Variants in SUPT3H observed in about 807,000 individuals in gnomAD.
The protein encoded by SUPT3H is transcription initiation protein SPT3 homolog.
A neutral mutation model predicts 44.3 loss-of-function variants in SUPT3H; 44 were observed. The ratio of observed to expected loss-of-function variants is 0.99; its 90% CI spans 0.78 to 1.28. SUPT3H has a LOEUF of 1.28. Ranked by LOEUF, SUPT3H falls within the 50% of genes most tolerant of loss-of-function variation. The pLI is 0.00. For synonymous variants in SUPT3H, 124 were observed against 125.6 expected (o/e 0.99, Z 0.09); for missense variants, 380 against 387.1 (o/e 0.98, Z 0.15).
At chr6:45,162,442 T>C (rs1406662676) in intron 2 of SUPT3H, among the ~76,000 whole-genome samples, 1 of 152,130 alleles carries the variant, frequency 6.6e-6, no homozygotes, top group African/African-American at 2.4e-5. Flanking sequence ...GAGGAATACT[T>C]AAGCCCAGAG....
At chr6:45,185,157 G>A (rs1218277968) in intron 2 of SUPT3H, among the ~76,000 whole-genome samples, 1 of 152,156 alleles carries the variant, frequency 6.6e-6, no homozygotes, top group Non-Finnish European at 1.5e-5. Context: ...TGTCTACAGG[G>A]TGCAGCAGCA....
At position 45,265,751 on chromosome 6, in the gene SUPT3H, C is replaced by A. The variant is rs190602364; in HGVS notation, c.101+99450G>T. On this transcript the variant is annotated intron_variant, in intron 2 of 10. Transcript: ENST00000371459. ...AAATTAGTGTGTTCCCTGCAGCATT[C>A]CAACAAAAATTATGCCATTTGGATA... Among the ~76,000 whole-genome samples the A allele has an allele frequency of 2.2e-3, 337 of 152,018 alleles. 3 individuals carry two copies. In the Middle Eastern group the frequency reaches 0.031, roughly 14 times the overall value.
At chr6:44,834,227 T>G (rs897931587) in intron 10 of SUPT3H, among the ~76,000 whole-genome samples, 2 of 152,170 alleles carry the variant, frequency 1.3e-5, no homozygotes, top group Non-Finnish European at 2.9e-5. Flanking sequence ...CGTCAATAAA[T>G]GGAACATTTT....
At chr6:45,282,114 T>C (rs1229286767) in intron 2 of SUPT3H, among the ~76,000 whole-genome samples, 1 of 151,522 alleles carries the variant, frequency 6.6e-6, no homozygotes, top group Non-Finnish European at 1.5e-5. Context: ...AGACCAAAGG[T>C]AGATAAAACC....
intron 2 of SUPT3H, among the ~76,000 whole-genome samples, chr6:45,316,918 T>C (rs1356177433): frequency 6.6e-6 from 1 of 152,082 alleles, no homozygotes; most frequent in Non-Finnish European, 1.5e-5. Context: ...CTTTATGTAT[T>C]GAAAGAATAT....
chr6:44,929,004 C>T (rs1428641867), intron 10 of SUPT3H, among the ~76,000 whole-genome samples: 1 of 151,540 alleles, frequency 6.6e-6, no homozygotes, highest in Non-Finnish European at 1.5e-5. Flanking sequence ...CTCCACAGCA[C>T]ACATGAATGT....
chr6:45,175,791 T>G (rs1811679270), intron 2 of SUPT3H, among the ~76,000 whole-genome samples: 1 of 152,154 alleles, frequency 6.6e-6, no homozygotes, highest in Non-Finnish European at 1.5e-5. Flanking sequence ...TTGGATAAAT[T>G]ATACTAAAAA....
rs76729293 is a variant in SUPT3H at position 45,080,383 on chromosome 6, T to C, written c.186+25539A>G. Among the ~76,000 whole-genome samples the C allele has an allele frequency of 3.9e-3, 593 of 151,952 alleles. 7 individuals carry two copies. Among genetic ancestry groups the C allele is most frequent in the African/African-American group, 0.014 (565 of 41,470 alleles). ...ATCACTACGCAGAACAGTTTGGAGG[T>C]TCCTCAGAAATCTAAAAACAGAGCT... On this transcript the variant is annotated intron_variant, in intron 3 of 10. Transcript: ENST00000371459.
chr6:45,375,736 C>A (rs1027757939), intron 1 of SUPT3H, among the ~76,000 whole-genome samples: 8 of 151,834 alleles, frequency 5.3e-5, no homozygotes, highest in African/African-American at 1.9e-4. Flanking sequence ...AGACATCAGG[C>A]CAAGGTTAAG....
At chr6:44,988,069 T>C (rs771977670) in intron 6 of SUPT3H, among the ~76,000 whole-genome samples, 1 of 152,072 alleles carries the variant, frequency 6.6e-6, no homozygotes, top group Non-Finnish European at 1.5e-5. Context: ...AGACATAATA[T>C]AGCTATGAAA....
intron 2 of SUPT3H, among the ~76,000 whole-genome samples, chr6:45,334,899 A>G (rs1327004032): frequency 6.6e-6 from 1 of 151,278 alleles, no homozygotes; most frequent in African/African-American, 2.4e-5. Flanking sequence ...GAATTTCAAG[A>G]CTAAAATAAT....
intron 2 of SUPT3H, among the ~76,000 whole-genome samples, chr6:45,262,025 G>A (rs1324385871): frequency 6.6e-6 from 1 of 152,026 alleles, no homozygotes; most frequent in Non-Finnish European, 1.5e-5. Context: ...AACCAAGGAG[G>A]TAAAAGATCT....
At chr6:45,334,395 AT>A (rs924027541) in intron 2 of SUPT3H, among the ~76,000 whole-genome samples, 5 of 143,866 alleles carry the variant, frequency 3.5e-5, no homozygotes, top group African/African-American at 1.3e-4. Flanking sequence ...TTATTTACAT[AT>A]TCCTTATAGT....
chr6:45,317,251 AAG>A (rs1784840901), intron 2 of SUPT3H, among the ~76,000 whole-genome samples: 2 of 151,016 alleles, frequency 1.3e-5, no homozygotes, highest in African/African-American at 4.8e-5. Context: ...AAAAAAAAAA[AAG>A]AATATTGTCA....
At chr6:44,993,152 G>A (rs1259626471) in intron 6 of SUPT3H, among the ~76,000 whole-genome samples, 4 of 152,090 alleles carry the variant, frequency 2.6e-5, no homozygotes, top group South Asian at 4.1e-4. Flanking sequence ...AACAGAAGGA[G>A]ACTCTGTCTT....
At chr6:45,086,298 G>A (rs535913282) in intron 3 of SUPT3H, among the ~76,000 whole-genome samples, 1 of 152,078 alleles carries the variant, frequency 6.6e-6, no homozygotes, top group African/African-American at 2.4e-5. Context: ...TCACCTAGTT[G>A]TGTAAAATCG....
chr6:45,348,000 T>A (rs145508489), intron 2 of SUPT3H, among the ~76,000 whole-genome samples: 2 of 152,240 alleles, frequency 1.3e-5, no homozygotes, highest in Non-Finnish European at 2.9e-5. Flanking sequence ...AGTTTAAAGT[T>A]ATATAAATAG....
intron 2 of SUPT3H, among the ~76,000 whole-genome samples, chr6:45,130,236 T>G: frequency 6.6e-6 from 1 of 152,208 alleles, no homozygotes; most frequent in East Asian, 1.9e-4. Flanking sequence ...TCTCTATGAA[T>G]TTGCATATTC....
At chr6:45,160,740 A>G (rs1404708373) in intron 2 of SUPT3H, among the ~76,000 whole-genome samples, 1 of 152,170 alleles carries the variant, frequency 6.6e-6, no homozygotes, top group Non-Finnish European at 1.5e-5. Flanking sequence ...TACAATATGT[A>G]GGCAATACAA....
Sources: allele counts gnomAD v4.1 joint callset (sites outside exome capture counted in the v4.1 genomes callset), GRCh38; gene constraint gnomAD v4.1.1; transcripts MANE v1.5; gene names NCBI Gene and HGNC (gene_info 2026-07-23, HGNC 2026-07-21).